Variants in ACACA observed in about 807,000 individuals in gnomAD.
ACACA encodes acetyl-CoA carboxylase alpha, also known as acetyl-CoA carboxylase 1.
In ACACA, 103 loss-of-function variants were observed where a neutral mutation model predicts 296.1. The ratio of observed to expected loss-of-function variants is 0.35; its 90% CI spans 0.30 to 0.41. The LOEUF (loss-of-function observed/expected upper bound fraction) is 0.41, where lower values mean the gene tolerates loss of function less well. ACACA is among the 10% of genes least tolerant of loss of function. ACACA has a pLI of 1.00. For missense variants in ACACA, 1,554 were observed against 2,989.7 expected (o/e 0.52, Z 11.20); for synonymous variants, 953 against 1,038.6 (o/e 0.92, Z 1.58).
chr17:37,258,318 A>G lies in ACACA; in HGVS notation c.1556T>C (p.Val519Ala), dbSNP rs756248367. ...AATGGGAGAATCACCCCAGGGAGAT[A>G]CCCCATACATCATACGGATATCCTT... ...RIKDIRMMYG[V>A]SPWGDSPIDF... The change falls in exon 13 of 56, where the codon GTA (valine) becomes GCA (alanine). Residue 519 changes from valine to alanine, a missense_variant. Physicochemically the swap from Val to Ala is moderately conservative, Grantham distance 64 (BLOSUM62 0). This residue lies in a region of ACACA where 37 missense variants were observed against 49.9 expected (regional missense o/e 0.74). Transcript: ENST00000616317. 28 of 1,613,888 alleles carry G rather than the reference A, an allele frequency of 1.7e-5. No individual in the cohort carries two copies. The East Asian group carries it at 5.8e-4, about 33-fold the overall frequency.
chr17:37,172,725 C>T (rs532043799), intron 41 of ACACA, among the ~76,000 whole-genome samples: 16 of 152,158 alleles, frequency 1.1e-4, no homozygotes, highest in Non-Finnish European at 1.6e-4. Flanking sequence ...TAATCATAAT[C>T]ATTTATGGAT....
At chr17:37,337,480 G>A (rs965475890) in intron 2 of ACACA, among the ~76,000 whole-genome samples, 1 of 151,482 alleles carries the variant, frequency 6.6e-6, no homozygotes, top group East Asian at 1.9e-4. Context: ...TAGAGGCAGG[G>A]TCTTGCTCTG....
chr17:37,089,995 CCTT>C (rs758291056), intron 54 of ACACA, among the ~76,000 whole-genome samples: 4 of 152,192 alleles, frequency 2.6e-5, no homozygotes, highest in Admixed American at 6.5e-5. Flanking sequence ...GGTGCGCTAT[CCTT>C]CTCTGTTATC....
At chr17:37,391,821 C>A in intron 1 of ACACA, 1 of 1,095,906 alleles carries the variant, frequency 9.1e-7, no homozygotes, top group Non-Finnish European at 1.4e-6. Flanking sequence ...GTATCTTCAG[C>A]AGGGACATTA....
intron 31 of ACACA, 50 bp downstream of exon 31, chr17:37,207,607 A>G: frequency 6.2e-7 from 1 of 1,609,566 alleles, no homozygotes; most frequent in Non-Finnish European, 8.5e-7. Context: ...ACCCCAAAAC[A>G]CAGATGTCCA....
chr17:37,242,723 CCT>C (rs1379419333), intron 22 of ACACA, among the ~76,000 whole-genome samples: 1 of 151,522 alleles, frequency 6.6e-6, no homozygotes, highest in African/African-American at 2.4e-5. Flanking sequence ...AGAGCAAGAC[CCT>C]GTCTCAAAAA....
intron 1 of ACACA, among the ~76,000 whole-genome samples, chr17:37,404,477 C>T (rs533154290): frequency 3.0e-4 from 46 of 151,766 alleles, no homozygotes; most frequent in Admixed American, 6.6e-4. Flanking sequence ...CTCAGTCTCT[C>T]GAGTAGCTGG....
chr17:37,121,960 G>A (rs1379228902), intron 49 of ACACA, among the ~76,000 whole-genome samples: 2 of 152,146 alleles, frequency 1.3e-5, no homozygotes, highest in East Asian at 3.9e-4. Flanking sequence ...AATGGTGTCA[G>A]GATGTGAAAA....
intron 1 of ACACA, among the ~76,000 whole-genome samples, chr17:37,390,584 G>A (rs1468990920): frequency 2.0e-5 from 3 of 148,636 alleles, no homozygotes; most frequent in Non-Finnish European, 3.0e-5. Flanking sequence ...CCGAGATTGC[G>A]CCACTATACT....
intron 29 of ACACA, among the ~76,000 whole-genome samples, chr17:37,214,026 G>A (rs142662104): frequency 2.0e-5 from 3 of 152,208 alleles, no homozygotes; most frequent in African/African-American, 4.8e-5. Context: ...AAAATGATGG[G>A]GATGCATGCA....
chr17:37,364,128 T>TAAAAATA (rs2147631347), intron 1 of ACACA, among the ~76,000 whole-genome samples: 1 of 145,888 alleles, frequency 6.9e-6, no homozygotes, highest in South Asian at 2.2e-4. Flanking sequence ...GTCAAAAAAA[T>TAAAAATA]AAAAATAAAA....
intron 50 of ACACA, among the ~76,000 whole-genome samples, chr17:37,117,079 C>T (rs961271311): frequency 9.9e-5 from 15 of 152,192 alleles, no homozygotes; most frequent in Non-Finnish European, 2.1e-4. Context: ...CCAACCCTGC[C>T]TAGGGCTTTT....
At chr17:37,331,502 G>A (rs768048902) in intron 2 of ACACA, among the ~76,000 whole-genome samples, 28 of 151,826 alleles carry the variant, frequency 1.8e-4, no homozygotes, top group Non-Finnish European at 3.5e-4. Flanking sequence ...TCCGCCTCCC[G>A]GGTTCAAGCA....
chr17:37,224,703 G>T (rs2079458897), intron 27 of ACACA, among the ~76,000 whole-genome samples: 1 of 151,500 alleles, frequency 6.6e-6, no homozygotes, highest in African/African-American at 2.4e-5. Flanking sequence ...TTTAATTCTG[G>T]CCTAGAATAC....
At chr17:37,399,877 ATTT>A (rs2051222037) in intron 1 of ACACA, among the ~76,000 whole-genome samples, 163 of 152,186 alleles carry the variant, frequency 1.1e-3, no homozygotes, top group African/African-American at 3.5e-3. Flanking sequence ...TAAGAAATTT[ATTT>A]TATTTAATTT....
chr17:37,275,510 A>AG (rs1352194945), intron 8 of ACACA, among the ~76,000 whole-genome samples: 8 of 150,950 alleles, frequency 5.3e-5, no homozygotes, highest in Admixed American at 3.3e-4. Context: ...AAAAAAAAAA[A>AG]AAAGAAAAAA....
chr17:37,317,493 G>A (rs1056898697), intron 3 of ACACA, among the ~76,000 whole-genome samples: 1 of 152,000 alleles, frequency 6.6e-6, no homozygotes, highest in Non-Finnish European at 1.5e-5. Flanking sequence ...TTGAACCCGG[G>A]AGGCGGAGGC....
chr17:37,205,565 A>G (rs1237848682), intron 33 of ACACA, among the ~76,000 whole-genome samples, 200 bp downstream of exon 33: 1 of 152,160 alleles, frequency 6.6e-6, no homozygotes, highest in Non-Finnish European at 1.5e-5. Context: ...TTTGAGGTCT[A>G]TTATCTGTTG....
intron 3 of ACACA, among the ~76,000 whole-genome samples, chr17:37,301,714 T>C (rs533506870): frequency 3.9e-5 from 6 of 152,332 alleles, no homozygotes; most frequent in African/African-American, 7.2e-5. Flanking sequence ...TGTGACTTTA[T>C]AGTAGGTTTT....
Sources: gnomAD v4.1 joint callset for allele counts (sites outside exome capture counted in the v4.1 genomes callset) on GRCh38, gnomAD v4.1.1 for gene constraint, gnomAD v4.1.1 regional missense constraint, MANE v1.5 for transcripts, NCBI Gene and HGNC (gene_info 2026-07-23, HGNC 2026-07-21) for gene names.